The following WDR27 variants were observed in gnomAD, a reference collection of about 807,000 sequenced individuals.
WDR27 encodes WD repeat domain 27.
In WDR27, 100 loss-of-function variants were observed where a neutral mutation model predicts 114.4. That is an observed-to-expected ratio of 0.87 (90% CI 0.74 to 1.03). The LOEUF (loss-of-function observed/expected upper bound fraction) is 1.03. Among genes scored for constraint, WDR27 ranks in the 50% least tolerant of loss-of-function variants. The pLI, the probability that WDR27 is intolerant of heterozygous loss-of-function variation, is 0.00. For synonymous variants in WDR27, 449 were observed against 423.1 expected, an observed-to-expected ratio of 1.06 and a Z score of -0.75; for missense variants, 1,129 against 1,092.9, an observed-to-expected ratio of 1.03 and a Z score of -0.47.
chr6:169,577,214 G>A (rs1802515139), intron 24 of WDR27, among the ~76,000 whole-genome samples: 1 of 152,210 alleles, frequency 6.6e-6, no homozygotes, highest in South Asian at 2.1e-4. Context: ...CTGCCGGGTG[G>A]GTGCTGCGAG....
At chr6:169,667,303 CAG>C in intron 5 of WDR27, 116 bp from the exon 6 acceptor site, 1 of 1,254,596 alleles carries the variant, frequency 8.0e-7, no homozygotes, top group African/African-American at 1.5e-5. Context: ...TTATCTAAAA[CAG>C]AAAACAATAA....
chr6:169,636,585 T>C, intron 18 of WDR27, 81 bp from the exon 19 acceptor site: 1 of 1,377,776 alleles, frequency 7.3e-7, no homozygotes, highest in Middle Eastern at 2.2e-4. Context: ...AATTATTTCT[T>C]CTTAAAACCC....
chr6:169,549,013 C>A (rs556553638), intron 25 of WDR27, among the ~76,000 whole-genome samples: 31 of 151,750 alleles, frequency 2.0e-4, no homozygotes, highest in Non-Finnish European at 3.8e-4. Flanking sequence ...TTTTTAGATA[C>A]AACAAAAAAA....
At chr6:169,444,586 A>G in the WDR27 span, among the ~76,000 whole-genome samples, 20 of 152,052 alleles carry the variant, frequency 1.3e-4, no homozygotes, top group South Asian at 2.5e-3. Flanking sequence ...CAACATCTCC[A>G]GAGACCCAAG....
intron 25 of WDR27, among the ~76,000 whole-genome samples, chr6:169,485,771 AT>A (rs1788799287): frequency 6.6e-6 from 1 of 152,212 alleles, no homozygotes; most frequent in South Asian, 2.1e-4. Context: ...ATGCTTATCA[AT>A]GGTAGAATGG....
Position 169,576,578 on chromosome 6 carries a change from T to C in WDR27, c.2524-4038A>G, listed in dbSNP as rs950150673. 4.0e-5 allele frequency among the ~76,000 whole-genome samples: 6 copies of C among 151,622 alleles called. No homozygotes were observed. In the South Asian group the frequency reaches 6.2e-4, roughly 16 times the overall value. Reference sequence around the variant, plus strand: ...GAGTTTGAGACCAGCCTGGGCAAAATAGTGAGACCCCATCTCTATTAAAAA... The same window carrying C: ...GAGTTTGAGACCAGCCTGGGCAAAACAGTGAGACCCCATCTCTATTAAAAA... On this transcript the variant is annotated intron_variant, in intron 24 of 25. Coordinates refer to ENST00000448612, the MANE Select transcript of WDR27 (RefSeq NM_182552.5).
intron 1 of WDR27, among the ~76,000 whole-genome samples, chr6:169,700,811 T>A (rs1453112775): frequency 3.3e-5 from 5 of 152,206 alleles, no homozygotes; most frequent in Non-Finnish European, 7.3e-5. Context: ...AATGCAGAAA[T>A]AATAAAGTTT....
intron 1 of WDR27, among the ~76,000 whole-genome samples, chr6:169,695,340 T>C (rs1785615726): frequency 6.6e-6 from 1 of 152,182 alleles, no homozygotes; most frequent in African/African-American, 2.4e-5. Flanking sequence ...AGACCCCACT[T>C]ACTGAGCTGG....
chr6:169,646,105 G>A (rs1480300626), intron 16 of WDR27, among the ~76,000 whole-genome samples: 2 of 152,248 alleles, frequency 1.3e-5, no homozygotes, highest in Non-Finnish European at 2.9e-5. Flanking sequence ...TAGTTAACCT[G>A]GTTCTAAAAC....
chr6:169,656,150 C>T (rs1035234482), intron 13 of WDR27, among the ~76,000 whole-genome samples: 8 of 151,070 alleles, frequency 5.3e-5, no homozygotes, highest in African/African-American at 1.9e-4. Context: ...TGGGGGAGTG[C>T]ATGTTGATTG....
chr6:169,509,241 G>C (rs1583863745), intron 25 of WDR27, among the ~76,000 whole-genome samples: 1 of 152,116 alleles, frequency 6.6e-6, no homozygotes, highest in Non-Finnish European at 1.5e-5. Context: ...TCCCCATCAA[G>C]CTACCAATGA....
Position 169,602,306 on chromosome 6 carries a change from A to G in WDR27, c.2337T>C (p.Phe779=). The G allele has an allele frequency of 6.4e-7, 1 of 1,554,318 alleles. No homozygotes were observed. The highest frequency in any genetic ancestry group is 1.2e-5 in the South Asian group (1 of 84,010). The stretch of plus-strand genomic sequence containing the variant: ...GATAGCCGCGGGTTGGATGCCCTTC[A>G]AAGTGGCGCTCACACCTACAGGGAG... ...DLRTLRCERH[F]EGHPTRGYPC... is the part of the protein sequence containing the mutation. The change falls in exon 23 of 26, where the codon TTT becomes TTC. Residue 779 remains phenylalanine, a synonymous_variant. Coordinates refer to ENST00000448612, the MANE Select transcript of WDR27 (RefSeq NM_182552.5).
intron 25 of WDR27, among the ~76,000 whole-genome samples, chr6:169,483,759 T>C (rs561824259): frequency 2.0e-5 from 3 of 151,368 alleles, no homozygotes; most frequent in Non-Finnish European, 2.9e-5. Context: ...TTGATGAGCA[T>C]TGATGCAACA....
chr6:169,636,531 C>A lies in WDR27; in HGVS notation c.1870-27G>T. ...TGTAATGCAAATCAGTAATTACTGT[C>A]AATATAATAAATGTTAACAAAAACA... On this transcript the variant is annotated intron_variant, in intron 18 of 25. Transcript: ENST00000448612. 1 of 1,572,784 alleles carries A rather than the reference C, an allele frequency of 6.4e-7. No individual in the cohort carries two copies. Among genetic ancestry groups the A allele is most frequent in the South Asian group, 1.2e-5 (1 of 83,648 alleles).
intron 21 of WDR27, among the ~76,000 whole-genome samples, chr6:169,615,325 C>T (rs997183025): frequency 3.9e-5 from 6 of 151,998 alleles, no homozygotes; most frequent in Admixed American, 1.3e-4. Context: ...GTCATCACCC[C>T]GATACTTAGC....
intron 16 of WDR27, among the ~76,000 whole-genome samples, chr6:169,646,966 C>G (rs377083035): frequency 6.6e-6 from 1 of 152,036 alleles, no homozygotes; most frequent in Non-Finnish European, 1.5e-5. Flanking sequence ...ACATGGTAAC[C>G]CTTAGGCGAC....
chr6:169,634,370 T>G lies in WDR27; in HGVS notation c.2101+58A>C. On this transcript the variant is annotated intron_variant, in intron 20 of 25. Transcript: ENST00000448612. ...TCACGAGATGCTCAGCACATGCCTC[T>G]GCCAGAGGAACAACACTCAGGGCGT... The G allele has an allele frequency of 2.3e-6, 3 of 1,321,106 alleles. No homozygotes were observed. In the South Asian group the frequency reaches 3.8e-5, roughly 17 times the overall value. 81.8% of individuals were successfully genotyped at this position (1,321,106 alleles called of 1,614,324 possible).
chr6:169,454,787 C>T (rs16888037), downstream of WDR27, among the ~76,000 whole-genome samples: 4,648 of 152,288 alleles, frequency 0.031, 214 homozygotes, highest in African/African-American at 0.1. Flanking sequence ...AGCCTGTAAT[C>T]ACGGAGACAG....
intron 13 of WDR27, among the ~76,000 whole-genome samples, chr6:169,653,801 G>A (rs1405493311): frequency 1.3e-5 from 2 of 152,242 alleles, no homozygotes; most frequent in South Asian, 4.1e-4. Context: ...CACAGGCTGA[G>A]GATTTGTGTG....
Sources: gnomAD v4.1 joint callset for allele counts (sites outside exome capture counted in the v4.1 genomes callset) on GRCh38, gnomAD v4.1.1 for gene constraint, MANE v1.5 for transcripts, NCBI Gene and HGNC (gene_info 2026-07-23, HGNC 2026-07-21) for gene names.